OSBPL11: variants seen among roughly 807,000 people sequenced by gnomAD.
OSBPL11 encodes the protein oxysterol-binding protein-related protein 11.
Under a neutral mutation model 84.4 loss-of-function variants are expected in OSBPL11, and 33 were observed. That is an observed-to-expected ratio of 0.39 (90% CI 0.30 to 0.52). The LOEUF is 0.52. Among genes scored for constraint, OSBPL11 ranks in the 20% least tolerant of loss-of-function variants. The pLI is 0.72. For synonymous variants in OSBPL11, 276 were observed against 310.2 expected (o/e 0.89, Z 1.16); for missense variants, 736 against 901.1 (o/e 0.82, Z 2.35).
At chr3:125,591,652 T>C (rs1045480021) in intron 1 of OSBPL11, among the ~76,000 whole-genome samples, 2 of 152,212 alleles carry the variant, frequency 1.3e-5, no homozygotes, top group Non-Finnish European at 2.9e-5. Flanking sequence ...AAGACCCAGC[T>C]AAGCTGCACT....
intron 8 of OSBPL11, among the ~76,000 whole-genome samples, chr3:125,553,329 A>C (rs1935941766): frequency 1.3e-5 from 2 of 152,216 alleles, no homozygotes; most frequent in South Asian, 4.1e-4. Flanking sequence ...AATGACCAAG[A>C]CATGAGAAAA....
At chr3:125,531,823 G>A (rs1396646898) in intron 12 of OSBPL11, 38 bp downstream of exon 12, 3 of 1,566,156 alleles carry the variant, frequency 1.9e-6, no homozygotes, top group African/African-American at 2.7e-5. Flanking sequence ...TCTCAGCCAA[G>A]TAGATACATT....
chr3:125,557,991 G>A (rs374426732), intron 8 of OSBPL11, among the ~76,000 whole-genome samples: 13 of 151,194 alleles, frequency 8.6e-5, no homozygotes, highest in South Asian at 8.4e-4. Flanking sequence ...ACAGGGTTTC[G>A]CCATGTTGGC....
chr3:125,534,961 A>G (rs1449014218), intron 11 of OSBPL11, among the ~76,000 whole-genome samples: 1 of 129,274 alleles, frequency 7.7e-6, no homozygotes, highest in African/African-American at 2.5e-5. Flanking sequence ...GAAAAAAAAA[A>G]AAAAAAAAAA....
intron 11 of OSBPL11, among the ~76,000 whole-genome samples, chr3:125,537,670 G>A (rs1449450241): frequency 6.6e-6 from 1 of 152,048 alleles, no homozygotes; most frequent in Non-Finnish European, 1.5e-5. Context: ...GTGGTTCCCT[G>A]TATATTTTTT....
At chr3:125,581,979 T>A in intron 2 of OSBPL11, among the ~76,000 whole-genome samples, 1 of 151,446 alleles carries the variant, frequency 6.6e-6, no homozygotes, top group East Asian at 1.9e-4. Flanking sequence ...GTCTCAAAAA[T>A]AATTAATTAA....
intron 5 of OSBPL11, among the ~76,000 whole-genome samples, chr3:125,568,440 A>T (rs1280229114): frequency 6.6e-6 from 1 of 152,258 alleles, no homozygotes; most frequent in Middle Eastern, 3.4e-3. Context: ...CAAAAAAAAA[A>T]AAAAAAGGGA....
intron 4 of OSBPL11, among the ~76,000 whole-genome samples, chr3:125,577,898 T>C (rs979156742): frequency 2.0e-5 from 3 of 151,974 alleles, no homozygotes; most frequent in Non-Finnish European, 2.9e-5. Flanking sequence ...TAAAAAAGTG[T>C]GGCCGCTTTG....
chr3:125,592,910 C>A (rs1468937636), intron 1 of OSBPL11, among the ~76,000 whole-genome samples: 1 of 152,092 alleles, frequency 6.6e-6, no homozygotes, highest in Admixed American at 6.5e-5. Context: ...AACTCCTAGA[C>A]AAACACATAA....
At chr3:125,576,467 AAAATT>A in intron 4 of OSBPL11, 102 bp from the exon 5 acceptor site, 1 of 850,944 alleles carries the variant, frequency 1.2e-6, no homozygotes, top group Non-Finnish European at 1.7e-6. Context: ...AGCAGCGTTT[AAAATT>A]AAATTAACTT....
At chr3:125,587,124 A>T (rs891102604) in intron 1 of OSBPL11, among the ~76,000 whole-genome samples, 1 of 152,214 alleles carries the variant, frequency 6.6e-6, no homozygotes, top group Non-Finnish European at 1.5e-5. Context: ...TGCCATACAA[A>T]TAAAAAAGGC....
chr3:125,573,208 T>C (rs569686327), intron 5 of OSBPL11, among the ~76,000 whole-genome samples: 13 of 147,888 alleles, frequency 8.8e-5, no homozygotes, highest in Admixed American at 5.4e-4. Context: ...CAGTTCCTTT[T>C]AAAAAAAAAA....
At chr3:125,536,606 A>C (rs1935643075) in intron 11 of OSBPL11, among the ~76,000 whole-genome samples, 1 of 152,188 alleles carries the variant, frequency 6.6e-6, no homozygotes, top group Admixed American at 6.5e-5. Context: ...CATACCATCA[A>C]TTGTTTTTCT....
At chr3:125,530,713 A>G in intron 12 of OSBPL11, 133 bp from the exon 13 acceptor site, 2 of 730,600 alleles carry the variant, frequency 2.7e-6, no homozygotes, top group Non-Finnish European at 4.7e-6. Context: ...GAAGGAATAA[A>G]GTCTTTGTGA....
At chr3:125,590,998 A>G (rs1181159735) in intron 1 of OSBPL11, among the ~76,000 whole-genome samples, 1 of 152,228 alleles carries the variant, frequency 6.6e-6, no homozygotes, top group Non-Finnish European at 1.5e-5. Context: ...CTTCAACTGC[A>G]AAACAGGAAT....
chr3:125,530,460 G>C lies in OSBPL11; in HGVS notation c.*55C>G. On this transcript the variant is annotated 3_prime_UTR_variant, in exon 13 of 13. Transcript: ENST00000296220. The stretch of plus-strand genomic sequence containing the variant: ...TCAGTGCAATGACTCCATTCTGGGA[G>C]GATTTAGGGTAAACAGAGAAGAACC... The C allele has an allele frequency of 6.7e-7, 1 of 1,494,562 alleles. No homozygotes were observed. The highest frequency in any genetic ancestry group is 9.3e-7 in the Non-Finnish European group (1 of 1,071,980). 92.6% of individuals were successfully genotyped at this position (1,494,562 alleles called of 1,614,324 possible). A position where few individuals can be genotyped will look rare whatever the true frequency, so the allele number is the denominator to read the frequency against.
intron 1 of OSBPL11, among the ~76,000 whole-genome samples, chr3:125,585,296 A>G (rs924735645): frequency 1.3e-5 from 2 of 151,480 alleles, no homozygotes; most frequent in African/African-American, 4.9e-5. Flanking sequence ...ATGCCCACCT[A>G]ATTTTTGTAT....
intron 8 of OSBPL11, among the ~76,000 whole-genome samples, chr3:125,554,681 G>T (rs905708104): frequency 1.3e-5 from 2 of 151,892 alleles, no homozygotes; most frequent in Non-Finnish European, 2.9e-5. Flanking sequence ...GAATTAAGAA[G>T]ATATTATATA....
chr3:125,589,320 C>G (rs1580067322), intron 1 of OSBPL11, among the ~76,000 whole-genome samples: 1 of 95,180 alleles, frequency 1.1e-5, no homozygotes, highest in African/African-American at 4.4e-5. Flanking sequence ...CTAGCCTGGG[C>G]AACAAGAGTG....
Sources: allele counts gnomAD v4.1 joint callset (sites outside exome capture counted in the v4.1 genomes callset), GRCh38; gene constraint gnomAD v4.1.1; transcripts MANE v1.5; gene names NCBI Gene and HGNC (gene_info 2026-07-23, HGNC 2026-07-21).